Variants in ELP4 observed in about 807,000 individuals in gnomAD.
ELP4 encodes the protein elongator complex protein 4.
A neutral mutation model predicts 48.9 loss-of-function variants in ELP4; 51 were observed. The observed-to-expected ratio is 1.04, with a 90% confidence interval of 0.83 to 1.32. The LOEUF is 1.32. ELP4 is among the 40% of genes most tolerant of loss of function. The pLI, the probability that ELP4 is intolerant of heterozygous loss-of-function variation, is 0.00. For synonymous variants in ELP4, 210 were observed against 189.2 expected, an observed-to-expected ratio of 1.11 and a Z score of -0.90; for missense variants, 519 against 514.6, an observed-to-expected ratio of 1.01 and a Z score of -0.08.
At chr11:31,720,472 T>A (rs1316357603) in intron 9 of ELP4, among the ~76,000 whole-genome samples, 1 of 152,164 alleles carries the variant, frequency 6.6e-6, no homozygotes, top group Non-Finnish European at 1.5e-5. Context: ...AGGCATGCAC[T>A]TCAGCACCCT....
intron 1 of ELP4, among the ~76,000 whole-genome samples, chr11:31,517,952 A>G (rs991559504): frequency 1.3e-4 from 20 of 152,186 alleles, no homozygotes; most frequent in African/African-American, 4.6e-4. Flanking sequence ...TACTTTAAAT[A>G]CATTTCTACT....
intron 7 of ELP4, among the ~76,000 whole-genome samples, chr11:31,640,294 G>C (rs1361807223): frequency 1.3e-5 from 2 of 151,596 alleles, no homozygotes; most frequent in Non-Finnish European, 2.9e-5. Context: ...GGCATTGTAA[G>C]ATATCTGAAA....
At chr11:31,546,017 C>A (rs1956704646) in intron 3 of ELP4, among the ~76,000 whole-genome samples, 1 of 152,090 alleles carries the variant, frequency 6.6e-6, no homozygotes, top group African/African-American at 2.4e-5. Flanking sequence ...CCGGTACCAG[C>A]TGCTGCAAAA....
chr11:31,512,157 C>G (rs536214304), intron 1 of ELP4: 1 of 152,162 alleles, frequency 6.6e-6, no homozygotes, highest in Admixed American at 6.5e-5. Context: ...TGCGACAAGC[C>G]TAATATGACT....
chr11:31,710,947 G>A (rs182810322), intron 9 of ELP4, among the ~76,000 whole-genome samples: 82 of 152,194 alleles, frequency 5.4e-4, no homozygotes, highest in African/African-American at 1.9e-3. Context: ...CTATGAGCAC[G>A]GAGTCTAATT....
chr11:31,560,502 T>C (rs1191487152), intron 3 of ELP4, among the ~76,000 whole-genome samples: 1 of 151,714 alleles, frequency 6.6e-6, no homozygotes, highest in Admixed American at 6.6e-5. Flanking sequence ...TTATCATCTT[T>C]CACATTTTCT....
At chr11:31,677,340 C>T (rs1945946986) in intron 9 of ELP4, among the ~76,000 whole-genome samples, 1 of 152,174 alleles carries the variant, frequency 6.6e-6, no homozygotes, top group African/African-American at 2.4e-5. Flanking sequence ...CTTTTGCCAA[C>T]TTCAATTAAA....
intron 9 of ELP4, among the ~76,000 whole-genome samples, chr11:31,704,090 TA>T (rs889313951): frequency 7.4e-4 from 110 of 148,122 alleles, no homozygotes; most frequent in Middle Eastern, 3.5e-3. Flanking sequence ...TAATAGAATT[TA>T]AAAAAAAAAA....
chr11:31,648,578 T>C (rs1945254446), intron 8 of ELP4: 1 of 151,550 alleles, frequency 6.6e-6, no homozygotes, highest in Admixed American at 6.6e-5. Context: ...AACAGATTTT[T>C]ACCTATTATT....
intron 3 of ELP4, among the ~76,000 whole-genome samples, chr11:31,591,780 C>G (rs1288541296): frequency 6.6e-6 from 1 of 152,080 alleles, no homozygotes; most frequent in African/African-American, 2.4e-5. Context: ...CAGTGGAAAA[C>G]ATGTTCACAC....
chr11:31,698,439 G>T (rs1191465432), intron 9 of ELP4, among the ~76,000 whole-genome samples: 1 of 151,940 alleles, frequency 6.6e-6, no homozygotes, highest in Admixed American at 6.6e-5. Context: ...TTGAGACAGG[G>T]TTTCACTTTG....
intron 9 of ELP4, among the ~76,000 whole-genome samples, chr11:31,734,837 A>AT (rs1947271246): frequency 6.6e-6 from 1 of 152,210 alleles, no homozygotes; most frequent in South Asian, 2.1e-4. Flanking sequence ...GCCCAGTGGT[A>AT]TTTTTTACAG....
chr11:31,547,169 G>C (rs376235693), intron 3 of ELP4, among the ~76,000 whole-genome samples: 1 of 151,928 alleles, frequency 6.6e-6, no homozygotes, highest in Non-Finnish European at 1.5e-5. Context: ...GATACAAAAA[G>C]CCCTTCAAAA....
intron 9 of ELP4, among the ~76,000 whole-genome samples, chr11:31,711,052 G>T (rs1019204593): frequency 6.6e-6 from 1 of 152,162 alleles, no homozygotes; most frequent in Admixed American, 6.5e-5. Flanking sequence ...TGCTCTTTTA[G>T]ATTGGATATG....
chr11:31,738,338 G>A lies in ELP4; in HGVS notation c.1144-45055G>A, dbSNP rs183668540. ...CTGAGGTGGAAGAATTGCTTGGGCC[G>A]TGGTTCAAGGCTGCAGTGAGCTGTG... On this transcript the variant is annotated intron_variant, in intron 9 of 9. Coordinates refer to ENST00000640961, the MANE Select transcript of ELP4 (RefSeq NM_019040.5). Among the ~76,000 whole-genome samples the A allele has an allele frequency of 9.9e-5, 15 of 151,836 alleles. No homozygotes were observed. The South Asian group carries it at 1.3e-3, about 13-fold the overall frequency.
chr11:31,756,562 T>G (rs568507047), intron 9 of ELP4, among the ~76,000 whole-genome samples: 1 of 152,304 alleles, frequency 6.6e-6, no homozygotes, highest in African/African-American at 2.4e-5. Context: ...AAGTCTCTCT[T>G]TAAGTGTACT....
intron 3 of ELP4, among the ~76,000 whole-genome samples, chr11:31,567,310 C>T (rs992023001): frequency 3.9e-5 from 6 of 152,170 alleles, no homozygotes; most frequent in African/African-American, 9.7e-5. Flanking sequence ...TGCAATTATT[C>T]GTGCAAGCAC....
At chr11:31,741,062 G>A (rs1232925361) in intron 9 of ELP4, among the ~76,000 whole-genome samples, 1 of 152,032 alleles carries the variant, frequency 6.6e-6, no homozygotes, top group Non-Finnish European at 1.5e-5. Flanking sequence ...TTTTCCAATG[G>A]GCTTAAAAAG....
chr11:31,672,794 A>C (rs1217664735), intron 9 of ELP4, among the ~76,000 whole-genome samples: 1 of 151,996 alleles, frequency 6.6e-6, no homozygotes, highest in African/African-American at 2.4e-5. Context: ...GTCTCAAAAT[A>C]AAAAATAAAA....
Sources: allele counts gnomAD v4.1 joint callset (sites outside exome capture counted in the v4.1 genomes callset), GRCh38; gene constraint gnomAD v4.1.1; transcripts MANE v1.5; gene names NCBI Gene and HGNC (gene_info 2026-07-23, HGNC 2026-07-21).